PCNX2: variants seen among roughly 807,000 people sequenced by gnomAD.
PCNX2 encodes pecanex 2.
PCNX2 carries 168 observed loss-of-function variants against 223.8 expected under a neutral mutation model. That is an observed-to-expected ratio of 0.75 (90% confidence interval 0.66 to 0.85). PCNX2 has a LOEUF of 0.85. Among genes scored for constraint, PCNX2 ranks in the 40% least tolerant of loss-of-function variants. The probability of loss-of-function intolerance (pLI) is 0.00; values close to 1 mark genes in which losing one functional copy is unlikely to be tolerated. For synonymous variants in PCNX2, 1,006 were observed against 1,052.6 expected, an observed-to-expected ratio of 0.96 and a Z score of 0.86; for missense variants, 2,507 against 2,675.5, an observed-to-expected ratio of 0.94 and a Z score of 1.39.
At position 233,177,916 on chromosome 1, in the gene PCNX2, C is replaced by G. The variant is rs375102277; in HGVS notation, c.3177-18G>C. On this transcript the variant is annotated intron_variant, in intron 16 of 33. Transcript: ENST00000258229. The stretch of plus-strand genomic sequence containing the variant: ...TGAAGGACCTGAAAGTGGAAAAACA[C>G]AATACTTCATCAAAGATGTTCCTGG... 6.3e-7 allele frequency: 1 copy of G among 1,589,542 alleles called. No individual in the cohort carries two copies. Among genetic ancestry groups the G allele is most frequent in the Non-Finnish European group, 8.6e-7 (1 of 1,157,880 alleles).
In PCNX2 at chr1:233,062,466, C is replaced by A. The variant is rs140114287; in HGVS notation, c.4077-5176G>T. Among the ~76,000 whole-genome samples the A allele has an allele frequency of 2.0e-5, 3 of 152,042 alleles. No individual in the cohort carries two copies. The East Asian group carries it at 5.8e-4, about 29-fold the overall frequency. ...CTTTTTTTCCATATAAGTTTTGCTA[C>A]GTGACTTAATGCATTGATATTCATA... On this transcript the variant is annotated intron_variant, in intron 23 of 33. Transcript: ENST00000258229.
intron 22 of PCNX2, among the ~76,000 whole-genome samples, chr1:233,090,772 T>C (rs1433644493): frequency 6.6e-6 from 1 of 152,184 alleles, no homozygotes. Context: ...CACATGCACA[T>C]GAAGTAAGTG....
intron 23 of PCNX2, among the ~76,000 whole-genome samples, chr1:233,072,566 A>T (rs1466995840): frequency 1.3e-5 from 2 of 152,306 alleles, no homozygotes; most frequent in Middle Eastern, 6.8e-3. Flanking sequence ...GATTGAGGAC[A>T]TTCTTTTATC....
At chr1:233,167,336 A>AAGAGAG (rs71821384) in intron 17 of PCNX2, among the ~76,000 whole-genome samples, 1 of 148,986 alleles carries the variant, frequency 6.7e-6, no homozygotes, top group African/African-American at 2.5e-5. Context: ...GTAGAATCTA[A>AAGAGAG]AGAGAGAGAG....
At position 233,241,219 on chromosome 1, in the gene PCNX2, G is replaced by T. The variant is rs79914537; in HGVS notation, c.2223-4239C>A. 6.5e-3 allele frequency: 6,390 copies of T among 985,374 alleles called. 331 individuals are homozygous for T. The African/African-American group carries it at 0.1, about 16-fold the overall frequency. 61.0% of individuals were successfully genotyped at this position (985,374 alleles called of 1,614,324 possible). ...TGTGTGAGTATCGGAGAAAAAGGCA[G>T]CAACACCGTGGAAGTGAGGCAAGGC... On this transcript the variant is annotated intron_variant, in intron 8 of 33. Coordinates refer to ENST00000258229, the MANE Select transcript of PCNX2 (RefSeq NM_014801.4).
rs145541794 is a variant in PCNX2 at position 233,252,427 on chromosome 1, G to T, written c.2055C>A (p.Val685=). 2 of 1,613,762 alleles carry T rather than the reference G, an allele frequency of 1.2e-6. No individual in the cohort carries two copies. Among genetic ancestry groups the T allele is most frequent in the East Asian group, 4.5e-5 (2 of 44,874 alleles). ...TSQQDSSVLQ[V]ISGPETSVQE... ...GTACAGATGTTTCAGGCCCACTGAT[G>T]ACTTGCAAGACAGAACTATCTTGTT... Residue 685 remains valine (V), a synonymous_variant, in exon 7 of 34, where the codon GTC becomes GTA. Transcript: ENST00000258229.
chr1:233,137,325 G>A (rs534516099), intron 20 of PCNX2, among the ~76,000 whole-genome samples: 1 of 152,334 alleles, frequency 6.6e-6, no homozygotes, highest in African/African-American at 2.4e-5. Flanking sequence ...TGTGTTCTGC[G>A]ATGGGAGGCA....
chr1:233,105,782 C>T (rs1020877677), intron 21 of PCNX2, among the ~76,000 whole-genome samples: 4 of 152,172 alleles, frequency 2.6e-5, no homozygotes, highest in Non-Finnish European at 5.9e-5. Flanking sequence ...AGAGAACACA[C>T]TAGACAGAAA....
intron 10 of PCNX2, among the ~76,000 whole-genome samples, 166 bp from the exon 11 acceptor site, chr1:233,218,350 G>A (rs1251275665): frequency 6.8e-6 from 1 of 146,162 alleles, no homozygotes; most frequent in Non-Finnish European, 1.5e-5. Flanking sequence ...CCAGGTTCAA[G>A]CAATCCTCCT....
intron 20 of PCNX2, among the ~76,000 whole-genome samples, chr1:233,137,899 T>A (rs551972585): frequency 6.6e-6 from 1 of 152,304 alleles, no homozygotes; most frequent in East Asian, 1.9e-4. Flanking sequence ...AAAAGTTGAA[T>A]AAGAAACAGT....
chr1:233,021,288 C>T (rs1670880933), intron 26 of PCNX2, among the ~76,000 whole-genome samples: 1 of 152,200 alleles, frequency 6.6e-6, no homozygotes, highest in South Asian at 2.1e-4. Context: ...CAGCCCCATC[C>T]TGAGTGCTGA....
Position 233,258,649 on chromosome 1 carries a change from T to G in PCNX2, c.1213A>C (p.Ser405Arg). ...HLRVVGTEKT[S>R]VKSDAEPTNP... ...GTGGGCTCAGCGTCAGACTTTACAC[T>G]GGTCTTCTCTGTGCCAACCACCCTC... The change falls in exon 5 of 34, where the codon AGT becomes CGT. Residue 405 changes from serine to arginine, a missense_variant. Ser to Arg is a moderately radical substitution (Grantham distance 110). Transcript: ENST00000258229. The G allele has an allele frequency of 6.2e-7, 1 of 1,613,848 alleles. No homozygotes were observed. Among genetic ancestry groups the G allele is most frequent in the South Asian group, 1.1e-5 (1 of 91,078 alleles).
intron 10 of PCNX2, among the ~76,000 whole-genome samples, chr1:233,220,893 C>G (rs1017411727): frequency 1.3e-5 from 2 of 152,028 alleles, no homozygotes; most frequent in Non-Finnish European, 2.9e-5. Flanking sequence ...AGATAGATAG[C>G]TATAGAGATG....
At chr1:233,018,657 G>T (rs1466949360) in intron 26 of PCNX2, 25 of 589,212 alleles carry the variant, frequency 4.2e-5, no homozygotes, top group Middle Eastern at 8.8e-4. Flanking sequence ...GTGTGCTGCT[G>T]TGGAGTCCCT....
At chr1:233,263,300 C>T in intron 1 of PCNX2, 137 bp from the exon 2 acceptor site, 1 of 773,800 alleles carries the variant, frequency 1.3e-6, no homozygotes, top group Non-Finnish European at 1.9e-6. Context: ...TTTAAGTTTT[C>T]CTGGTTAAAA....
intron 10 of PCNX2, 62 bp from the exon 11 acceptor site, chr1:233,218,246 C>CTTT (rs372117818): frequency 5.3e-4 from 266 of 498,594 alleles, no homozygotes; most frequent in South Asian, 7.1e-4. Flanking sequence ...TAAGTTTTGC[C>CTTT]TTTTTTTTTT....
chr1:233,223,488 A>C (rs1424748641), intron 10 of PCNX2, among the ~76,000 whole-genome samples: 1 of 152,222 alleles, frequency 6.6e-6, no homozygotes, highest in East Asian at 1.9e-4. Context: ...ATACATGTGC[A>C]GAACGTGCAG....
intron 23 of PCNX2, among the ~76,000 whole-genome samples, chr1:233,077,521 G>A (rs992953566): frequency 3.9e-5 from 6 of 152,040 alleles, no homozygotes; most frequent in African/African-American, 1.4e-4. Flanking sequence ...CTAAAATTAG[G>A]CTTTTTGAAA....
intron 21 of PCNX2, among the ~76,000 whole-genome samples, chr1:233,103,565 A>C (rs551951543): frequency 5.2e-4 from 79 of 152,146 alleles, no homozygotes; most frequent in African/African-American, 1.9e-3. Flanking sequence ...AGCTTTTTTT[A>C]CTTAACATAA....
Sources: allele counts gnomAD v4.1 joint callset (sites outside exome capture counted in the v4.1 genomes callset), GRCh38; gene constraint gnomAD v4.1.1; transcripts MANE v1.5; gene names NCBI Gene and HGNC (gene_info 2026-07-23, HGNC 2026-07-21).